PADI3: variants seen among roughly 807,000 people sequenced by gnomAD.
PADI3 encodes protein-arginine deiminase type-3.
In PADI3, 53 loss-of-function variants were observed where a neutral mutation model predicts 71.5. The ratio of observed to expected loss-of-function variants is 0.74; its 90% CI spans 0.59 to 0.93. PADI3 has a LOEUF of 0.93. PADI3 is among the 40% of genes least tolerant of loss of function. The pLI is 0.00. For missense variants in PADI3, 821 were observed against 868.0 expected (o/e 0.95, Z 0.68); for synonymous variants, 361 against 347.5 (o/e 1.04, Z -0.43).
intron 10 of PADI3, among the ~76,000 whole-genome samples, chr1:17,273,822 C>T (rs12037653): frequency 0.41 from 62,099 of 151,846 alleles, 13,695 homozygotes; most frequent in East Asian, 0.64. Flanking sequence ...AACCCTGTTC[C>T]GTTACTTACA....
At chr1:17,260,211 C>T (rs1468276631) in intron 2 of PADI3, among the ~76,000 whole-genome samples, 1 of 152,176 alleles carries the variant, frequency 6.6e-6, no homozygotes, top group African/African-American at 2.4e-5. Flanking sequence ...ACACCGGTGC[C>T]TGGGAAGACC....
intron 2 of PADI3, among the ~76,000 whole-genome samples, chr1:17,260,033 G>T (rs1377279031): frequency 6.6e-6 from 1 of 152,192 alleles, no homozygotes; most frequent in Non-Finnish European, 1.5e-5. Context: ...GCTGTGGAGT[G>T]CCATAGGAGC....
At chr1:17,261,805 G>A (rs2073106468) in intron 2 of PADI3, among the ~76,000 whole-genome samples, 2 of 152,346 alleles carry the variant, frequency 1.3e-5, no homozygotes, top group South Asian at 4.1e-4. Flanking sequence ...TGTTGGCTTG[G>A]AGAGTGTCCC....
intron 1 of PADI3, among the ~76,000 whole-genome samples, chr1:17,253,817 G>A (rs2072995282): frequency 6.6e-6 from 1 of 152,132 alleles, no homozygotes; most frequent in Non-Finnish European, 1.5e-5. Flanking sequence ...CTAGTTCTGT[G>A]GTCACTCACT....
intron 11 of PADI3, among the ~76,000 whole-genome samples, chr1:17,276,248 A>G (rs2073328521): frequency 6.6e-6 from 1 of 152,134 alleles, no homozygotes; most frequent in South Asian, 2.1e-4. Flanking sequence ...GAGGCAGGAG[A>G]ATCCCTTGAA....
intron 13 of PADI3, among the ~76,000 whole-genome samples, chr1:17,277,271 C>T (rs1247315953): frequency 2.6e-5 from 4 of 152,006 alleles, no homozygotes; most frequent in Non-Finnish European, 4.4e-5. Context: ...CTCCACTCAC[C>T]GCAACCTCCG....
intron 9 of PADI3, 141 bp downstream of exon 9, chr1:17,271,319 A>C (rs550839371): frequency 2.6e-5 from 18 of 687,342 alleles, no homozygotes; most frequent in African/African-American, 1.6e-4. Context: ...TGAGACCTAG[A>C]GGCTTCTCTC....
chr1:17,278,737 G>A (rs745634922), intron 13 of PADI3, among the ~76,000 whole-genome samples: 5 of 151,934 alleles, frequency 3.3e-5, no homozygotes, highest in Non-Finnish European at 5.9e-5. Context: ...CCTTTGACAC[G>A]CAGGATCATA....
chr1:17,257,845 A>G (rs1056821563), intron 1 of PADI3, among the ~76,000 whole-genome samples: 32 of 152,266 alleles, frequency 2.1e-4, no homozygotes, highest in Admixed American at 1.5e-3. Flanking sequence ...AGGAGTAATT[A>G]TCTCATCCTG....
chr1:17,261,126 C>T (rs1300753342), intron 2 of PADI3, among the ~76,000 whole-genome samples: 1 of 152,154 alleles, frequency 6.6e-6, no homozygotes, highest in Non-Finnish European at 1.5e-5. Flanking sequence ...AAGATCCTCC[C>T]CTCTGGCTGA....
At chr1:17,271,836 CAAA>C (rs71571852) in intron 9 of PADI3, among the ~76,000 whole-genome samples, 5 of 79,450 alleles carry the variant, frequency 6.3e-5, no homozygotes, top group African/African-American at 2.7e-4. Flanking sequence ...GCAACAACAA[CAAA>C]AAAAAAAAAA....
At chr1:17,254,401 C>A (rs2073003058) in intron 1 of PADI3, among the ~76,000 whole-genome samples, 1 of 152,160 alleles carries the variant, frequency 6.6e-6, no homozygotes, top group Non-Finnish European at 1.5e-5. Flanking sequence ...ATTTTGTTCT[C>A]CCAGAAGTCC....
intron 10 of PADI3, among the ~76,000 whole-genome samples, chr1:17,274,098 C>A (rs1289316261): frequency 6.6e-6 from 1 of 152,246 alleles, no homozygotes; most frequent in African/African-American, 2.4e-5. Flanking sequence ...GAACAAGAGA[C>A]CCCTCCAACC....
intron 15 of PADI3, among the ~76,000 whole-genome samples, chr1:17,282,064 G>A (rs1032733100): frequency 6.6e-6 from 1 of 152,044 alleles, no homozygotes; most frequent in African/African-American, 2.4e-5. Context: ...CTCTTTTCAG[G>A]CAACATTTTG....
At chr1:17,256,217 G>T (rs1185748187) in intron 1 of PADI3, among the ~76,000 whole-genome samples, 1 of 152,130 alleles carries the variant, frequency 6.6e-6, no homozygotes, top group African/African-American at 2.4e-5. Flanking sequence ...TGGGCCAATG[G>T]TGTTGCAAGC....
At chr1:17,258,921 C>A (rs1226510534) in intron 1 of PADI3, among the ~76,000 whole-genome samples, 1 of 152,250 alleles carries the variant, frequency 6.6e-6, no homozygotes, top group East Asian at 1.9e-4. Context: ...GTTCACTGAG[C>A]TCTTCGTGCC....
At chr1:17,252,400 C>CTTTTTT (rs55649122) in intron 1 of PADI3, among the ~76,000 whole-genome samples, 5 of 119,000 alleles carry the variant, frequency 4.2e-5, no homozygotes, top group African/African-American at 7.0e-5. Flanking sequence ...TTTTCTTCTT[C>CTTTTTT]TTTTTTTTTT....
intron 14 of PADI3, 26 bp from the exon 15 acceptor site, chr1:17,280,645 C>T: frequency 6.2e-7 from 1 of 1,613,888 alleles, no homozygotes; most frequent in Non-Finnish European, 8.5e-7. Flanking sequence ...AAGGTGTCCC[C>T]AACTCTGGCC....
In PADI3 at chr1:17,259,618, ACGCCTGG is replaced by A; in HGVS notation, c.136_142del (p.Pro46TrpfsTer33). Reference sequence around the variant, plus strand: ...CACAGAAATGTTTGAGGTCTATGGGACGCCTGGCGTGGACATCTACATCTCTCCCAAC... The same window carrying A: ...CACAGAAATGTTTGAGGTCTATGGGACGTGGACATCTACATCTCTCCCAAC... On this transcript the variant is annotated frameshift_variant, in exon 2 of 16. Coordinates refer to ENST00000375460, the MANE Select transcript of PADI3 (RefSeq NM_016233.2). LOFTEE classifies it high-confidence loss of function. 1.2e-6 allele frequency: 2 copies of A among 1,612,718 alleles called. No individual in the cohort carries two copies. Among genetic ancestry groups the A allele is most frequent in the Non-Finnish European group, 1.7e-6 (2 of 1,179,164 alleles).
Sources: allele counts gnomAD v4.1 joint callset (sites outside exome capture counted in the v4.1 genomes callset), GRCh38; gene constraint gnomAD v4.1.1; transcripts MANE v1.5; gene names NCBI Gene and HGNC (gene_info 2026-07-23, HGNC 2026-07-21).